The following DAB1 variants were observed in gnomAD, a reference collection of about 807,000 sequenced individuals.
DAB1 encodes the protein DAB adaptor protein 1.
DAB1 carries 15 observed loss-of-function variants against 64.6 expected under a neutral mutation model. The ratio of observed to expected loss-of-function variants is 0.23; its 90% confidence interval spans 0.16 to 0.36. DAB1 has a LOEUF of 0.36. Ranked by LOEUF, DAB1 falls within the 10% of genes least tolerant of loss-of-function variation. The pLI, the probability that DAB1 is intolerant of heterozygous loss-of-function variation, is 1.00. For synonymous variants in DAB1, 235 were observed against 251.9 expected (o/e 0.93, Z 0.64); for missense variants, 596 against 706.7 (o/e 0.84, Z 1.78).
chr1:58,396,626 CAG>C (rs993003635), intron 3 of DAB1, among the ~76,000 whole-genome samples: 1 of 151,646 alleles, frequency 6.6e-6, no homozygotes, highest in African/African-American at 2.4e-5. Flanking sequence ...AAGAGAGAAG[CAG>C]AGAGAGACTC....
At chr1:57,677,956 C>G (rs115181449) in intron 6 of DAB1, among the ~76,000 whole-genome samples, 1 of 152,144 alleles carries the variant, frequency 6.6e-6, no homozygotes, top group Non-Finnish European at 1.5e-5. Context: ...CAATTCTCAG[C>G]TACACGTTGG....
intron 6 of DAB1, among the ~76,000 whole-genome samples, chr1:57,796,323 C>T (rs181198018): frequency 2.6e-5 from 4 of 151,854 alleles, no homozygotes; most frequent in Admixed American, 6.6e-5. Context: ...GTCAGAAGAT[C>T]GAGACCATCC....
chr1:57,625,942 A>G (rs973578857), intron 7 of DAB1, among the ~76,000 whole-genome samples: 2 of 152,240 alleles, frequency 1.3e-5, no homozygotes, highest in Non-Finnish European at 2.9e-5. Flanking sequence ...AAAGACATTT[A>G]CCAAAATACT....
rs553676666 is a variant in DAB1, at chr1:57,283,296, T to C, written c.67+7668A>G. On this transcript the variant is annotated intron_variant, in intron 2 of 14. Transcript: ENST00000371236. ...TTCCCTCAGTTATTCTTGGAGCAAG[T>C]ATCCATTTGAAGAGGGACAAGTGTC... 1.2e-4 allele frequency among the ~76,000 whole-genome samples: 19 copies of C among 152,312 alleles called. 1 individual carries two copies. In the South Asian group the frequency reaches 3.7e-3, roughly 30 times the overall value.
chr1:57,809,133 T>C (rs895087774), intron 6 of DAB1, among the ~76,000 whole-genome samples: 1 of 152,206 alleles, frequency 6.6e-6, no homozygotes, highest in Non-Finnish European at 1.5e-5. Flanking sequence ...TATAGATACA[T>C]GACCATTTGC....
chr1:57,641,310 G>T (rs953366108), intron 7 of DAB1, among the ~76,000 whole-genome samples: 6 of 149,744 alleles, frequency 4.0e-5, no homozygotes, highest in African/African-American at 1.5e-4. Flanking sequence ...CTAAATTCCT[G>T]GTTTCTTCAT....
intron 5 of DAB1, among the ~76,000 whole-genome samples, chr1:57,957,882 T>A (rs534867264): frequency 6.6e-6 from 1 of 152,204 alleles, no homozygotes; most frequent in Non-Finnish European, 1.5e-5. Context: ...TGAAAACTTG[T>A]TTATAATTAT....
At chr1:57,005,290 G>T (rs1359004991) in intron 14 of DAB1, among the ~76,000 whole-genome samples, 1 of 152,134 alleles carries the variant, frequency 6.6e-6, no homozygotes, top group Non-Finnish European at 1.5e-5. Flanking sequence ...TTTTGGCCTT[G>T]TTATATAACA....
intron 7 of DAB1, among the ~76,000 whole-genome samples, chr1:57,462,444 G>A (rs1307562363): frequency 6.6e-6 from 1 of 152,106 alleles, no homozygotes; most frequent in African/African-American, 2.4e-5. Flanking sequence ...TGTGGAGTGA[G>A]GGGTACCCAC....
chr1:57,753,795 T>C (rs1303477152), intron 6 of DAB1, among the ~76,000 whole-genome samples: 2 of 152,228 alleles, frequency 1.3e-5, no homozygotes, highest in East Asian at 3.8e-4. Flanking sequence ...TGGGACATTC[T>C]TAAGAGGCAT....
chr1:58,535,448 T>C (rs1646501369), intron 1 of DAB1, among the ~76,000 whole-genome samples: 1 of 151,778 alleles, frequency 6.6e-6, no homozygotes, highest in African/African-American at 2.4e-5. Flanking sequence ...ATACAAAAAT[T>C]GGCCAGGCGT....
At chr1:58,095,963 A>C (rs999864389) in intron 5 of DAB1, among the ~76,000 whole-genome samples, 3 of 152,326 alleles carry the variant, frequency 2.0e-5, no homozygotes, top group African/African-American at 7.2e-5. Context: ...AAAGTGAGAA[A>C]GTTAGAAGAA....
At chr1:57,119,615 C>G (rs1414696481) in intron 4 of DAB1, among the ~76,000 whole-genome samples, 1 of 152,242 alleles carries the variant, frequency 6.6e-6, no homozygotes, top group Non-Finnish European at 1.5e-5. Context: ...GGGAACCTCT[C>G]AGAAGTGTGA....
chr1:57,757,751 T>C (rs946175948), intron 6 of DAB1, among the ~76,000 whole-genome samples: 3 of 152,150 alleles, frequency 2.0e-5, no homozygotes, highest in Non-Finnish European at 2.9e-5. Flanking sequence ...ATTTTAACTT[T>C]TTTGGCGGGG....
At chr1:57,795,424 C>A (rs1043554116) in intron 6 of DAB1, among the ~76,000 whole-genome samples, 5 of 151,578 alleles carry the variant, frequency 3.3e-5, no homozygotes, top group Admixed American at 6.6e-5. Flanking sequence ...CCTGGAGGAC[C>A]AGGGAAGCAT....
intron 5 of DAB1, among the ~76,000 whole-genome samples, chr1:58,093,340 C>A (rs1650789637): frequency 6.6e-6 from 1 of 152,150 alleles, no homozygotes. Context: ...GTCCCTAATT[C>A]CAAGGCCATG....
intron 4 of DAB1, among the ~76,000 whole-genome samples, chr1:57,081,466 G>T (rs1434631232): frequency 3.9e-5 from 6 of 152,180 alleles, no homozygotes; most frequent in African/African-American, 1.4e-4. Context: ...CAAGTCATCA[G>T]AAAAAGAAAA....
chr1:58,452,655 CAA>C (rs1245979623), intron 3 of DAB1, among the ~76,000 whole-genome samples: 28 of 105,494 alleles, frequency 2.7e-4, no homozygotes, highest in African/African-American at 3.1e-4. Context: ...ACAAAAATAC[CAA>C]AAAAAAAAAA....
intron 5 of DAB1, among the ~76,000 whole-genome samples, chr1:57,915,129 TA>T (rs11321322): frequency 0.31 from 36,544 of 117,238 alleles, 4,601 homozygotes; most frequent in East Asian, 0.54. Context: ...CTTTAAATCA[TA>T]AAAAAAAAAA....
Sources: allele counts gnomAD v4.1 joint callset (sites outside exome capture counted in the v4.1 genomes callset), GRCh38; gene constraint gnomAD v4.1.1; transcripts MANE v1.5; gene names NCBI Gene and HGNC (gene_info 2026-07-23, HGNC 2026-07-21).